TMEM220: variants seen among roughly 807,000 people sequenced by gnomAD.
The protein encoded by TMEM220 is transmembrane protein 220.
A neutral mutation model predicts 21.7 loss-of-function variants in TMEM220; 21 were observed. The ratio of observed to expected loss-of-function variants is 0.97; its 90% confidence interval spans 0.69 to 1.39. The LOEUF (loss-of-function observed/expected upper bound fraction) is 1.39. TMEM220 is among the 40% of genes most tolerant of loss of function. TMEM220 has a pLI of 0.00. For missense variants in TMEM220, 191 were observed against 201.9 expected (o/e 0.95, Z 0.33); for synonymous variants, 80 against 73.6 (o/e 1.09, Z -0.45).
At chr17:10,725,217 T>G in intron 3 of TMEM220, 83 bp from the exon 4 acceptor site, 1 of 1,560,658 alleles carries the variant, frequency 6.4e-7, no homozygotes, top group Admixed American at 1.8e-5. Context: ...TGTTTTGCCA[T>G]AGTCTGCTTT....
chr17:10,721,620 GAAAAAAAGA>G (rs1356918320), intron 5 of TMEM220, among the ~76,000 whole-genome samples: 8 of 48,302 alleles, frequency 1.7e-4, no homozygotes, highest in South Asian at 5.1e-4. Context: ...AAAAAAAAAA[GAAAAAAAGA>G]AAAAAAAGAA....
chr17:10,729,792 C>A lies in TMEM220; in HGVS notation c.60G>T (p.Ala20=). The change falls in exon 1 of 6, where the codon GCG becomes GCT. Residue 20 remains alanine (A), a synonymous_variant. Coordinates refer to ENST00000341871, the MANE Select transcript of TMEM220 (RefSeq NM_001004313.3). ...GCGGCCGCCTGACCTGCACCAAGGCCGCCAGCGCGAAGAAGGCGGCCATGA... is the reference window on the plus strand; with the variant it reads ...GCGGCCGCCTGACCTGCACCAAGGCAGCCAGCGCGAAGAAGGCGGCCATGA... ...NGLMAAFFAL[A]ALVQVNDPDA... 7.1e-7 allele frequency: 1 copy of A among 1,410,520 alleles called. No homozygotes were observed. Among genetic ancestry groups the A allele is most frequent in the Admixed American group, 2.4e-5 (1 of 41,674 alleles). 87.4% of individuals were successfully genotyped at this position (1,410,520 alleles called of 1,614,324 possible). A position where few individuals can be genotyped will look rare whatever the true frequency, so the allele number is the denominator to read the frequency against.
chr17:10,721,026 A>G (rs1206060582), intron 5 of TMEM220, among the ~76,000 whole-genome samples: 2 of 152,222 alleles, frequency 1.3e-5, no homozygotes, highest in African/African-American at 4.8e-5. Context: ...TTAAATGTAT[A>G]TGTGTACGTG....
chr17:10,727,626 G>T (rs1308858099), intron 2 of TMEM220, among the ~76,000 whole-genome samples: 1 of 152,154 alleles, frequency 6.6e-6, no homozygotes, highest in East Asian at 1.9e-4. Flanking sequence ...CCAAGGCAAA[G>T]GCAGTTTGAT....
At chr17:10,715,927 G>T (rs1269567567) in intron 5 of TMEM220, 1 of 352,708 alleles carries the variant, frequency 2.8e-6, no homozygotes, top group Non-Finnish European at 5.2e-6. Flanking sequence ...TAGAAGTTTT[G>T]TTTTGCTTTT....
downstream of TMEM220, among the ~76,000 whole-genome samples, chr17:10,712,231 AGTGT>A (rs2074858772): frequency 6.6e-6 from 1 of 152,188 alleles, no homozygotes; most frequent in Admixed American, 6.5e-5. Flanking sequence ...CAAAGCCAGC[AGTGT>A]AGCATCTTCA....
At position 10,729,819 on chromosome 17, in the gene TMEM220, T is replaced by G. The variant is rs953366646; in HGVS notation, c.33A>C (p.Gly11=). MAPALWRACN[G]LMAAFFALAA... Reference sequence around the variant, plus strand: ...CCAGCGCGAAGAAGGCGGCCATGAGTCCGTTGCAGGCCCGCCACAGCGCTG... The same window carrying G: ...CCAGCGCGAAGAAGGCGGCCATGAGGCCGTTGCAGGCCCGCCACAGCGCTG... The change falls in exon 1 of 6, where the codon GGA becomes GGC. Residue 11 remains glycine (G), a synonymous_variant. Coordinates refer to ENST00000341871, the MANE Select transcript of TMEM220 (RefSeq NM_001004313.3). 7.1e-7 allele frequency: 1 copy of G among 1,400,150 alleles called. No homozygotes were observed. Among genetic ancestry groups the G allele is most frequent in the Non-Finnish European group, 9.4e-7 (1 of 1,069,200 alleles). 86.7% of individuals were successfully genotyped at this position (1,400,150 alleles called of 1,614,324 possible).
At chr17:10,727,183 T>G (rs2075058259) in intron 2 of TMEM220, among the ~76,000 whole-genome samples, 1 of 129,368 alleles carries the variant, frequency 7.7e-6, no homozygotes, top group African/African-American at 2.6e-5. Context: ...TTTAATTAAT[T>G]TTTTGGAGAT....
Position 10,714,362 on chromosome 17 carries a change from C to A in TMEM220, c.*1091G>T, listed in dbSNP as rs2074883456. ...GTAAGTTTTCCAATAATCAAGTATC[C>A]ATTTTTAAATGAAAATGGAAATGAA... On this transcript the variant is annotated 3_prime_UTR_variant, in exon 6 of 6. Coordinates refer to ENST00000341871, the MANE Select transcript of TMEM220 (RefSeq NM_001004313.3). 1 of 150,920 alleles carries A rather than the reference C, an allele frequency of 6.6e-6. No individual in the cohort carries two copies. The highest frequency in any genetic ancestry group is 1.5e-5 in the Non-Finnish European group (1 of 67,772). The allele number at this position is 150,920 out of a possible 1,614,324, so 9.3% of individuals were successfully genotyped here.
intron 2 of TMEM220, 88 bp downstream of exon 2, chr17:10,728,943 A>G: frequency 7.2e-7 from 1 of 1,380,980 alleles, no homozygotes; most frequent in Non-Finnish European, 1.0e-6. Context: ...TTAAGCAGGG[A>G]GGAGGGGTAA....
intron 1 of TMEM220, 102 bp from the exon 2 acceptor site, chr17:10,729,162 C>T: frequency 7.5e-7 from 1 of 1,336,912 alleles, no homozygotes. Context: ...AAGTGCCAGA[C>T]ACTGCAATAG....
At chr17:10,728,999 C>G (rs768942132) in intron 2 of TMEM220, 32 bp downstream of exon 2, 50 of 1,613,192 alleles carry the variant, frequency 3.1e-5, no homozygotes, top group Non-Finnish European at 4.2e-5. Context: ...TTCTTCCAAA[C>G]GGAGGAAAGC....
chr17:10,729,868 C>CGCGGGGCGGTGAGTCCTGCCACGT lies in TMEM220; in HGVS notation c.-41_-18dup, dbSNP rs3842379. 472 of 1,311,546 alleles carry CGCGGGGCGGTGAGTCCTGCCACGT rather than the reference C, an allele frequency of 3.6e-4. 3 individuals are homozygous for CGCGGGGCGGTGAGTCCTGCCACGT. In the African/African-American group the frequency reaches 4.1e-3, roughly 11 times the overall value. 81.2% of individuals were successfully genotyped at this position (1,311,546 alleles called of 1,614,324 possible). A position where few individuals can be genotyped will look rare whatever the true frequency, so the allele number is the denominator to read the frequency against. Reference sequence around the variant, plus strand: ...TGGCGCCATGGCTCGGAGAACACGGCGCGGGGCGGTGAGTCCTGCCACGTG... The same window carrying CGCGGGGCGGTGAGTCCTGCCACGT: ...TGGCGCCATGGCTCGGAGAACACGGCGCGGGGCGGTGAGTCCTGCCACGTGCGGGGCGGTGAGTCCTGCCACGTG... On this transcript the variant is annotated 5_prime_UTR_variant, in exon 1 of 6. Coordinates refer to ENST00000341871, the MANE Select transcript of TMEM220 (RefSeq NM_001004313.3).
At chr17:10,723,439 C>G (rs2075016110) in intron 4 of TMEM220, 110 bp from the exon 5 acceptor site, 2 of 795,312 alleles carry the variant, frequency 2.5e-6, no homozygotes, top group South Asian at 1.4e-5. Flanking sequence ...GTGACTGACT[C>G]TCCCTCAAGA....
chr17:10,718,280 T>C (rs184896134), intron 5 of TMEM220, among the ~76,000 whole-genome samples: 521 of 152,316 alleles, frequency 3.4e-3, no homozygotes, highest in African/African-American at 0.012. Flanking sequence ...ATTTTTACAA[T>C]AGTTATTATA....
At position 10,715,913 on chromosome 17, in the gene TMEM220, T is replaced by C. The variant is rs145077682; in HGVS notation, c.348-325A>G. The C allele has an allele frequency of 2.3e-3, 817 of 352,508 alleles. 6 individuals carry two copies. Among genetic ancestry groups the C allele is most frequent in the African/African-American group, 0.016 (763 of 46,712 alleles). 21.8% of individuals were successfully genotyped at this position (352,508 alleles called of 1,614,324 possible). Reference sequence around the variant, plus strand: ...TCCCTCACCAAGGTTTTGAAGGTATTCTCTAGAAGTTTTGTTTTGCTTTTT... The same window carrying C: ...TCCCTCACCAAGGTTTTGAAGGTATCCTCTAGAAGTTTTGTTTTGCTTTTT... On this transcript the variant is annotated intron_variant, in intron 5 of 5. Coordinates refer to ENST00000341871, the MANE Select transcript of TMEM220 (RefSeq NM_001004313.3).
At chr17:10,727,727 A>C (rs1567588749) in intron 2 of TMEM220, among the ~76,000 whole-genome samples, 1 of 152,228 alleles carries the variant, frequency 6.6e-6, no homozygotes, top group Non-Finnish European at 1.5e-5. Context: ...ATTTCATGTT[A>C]TAATTCCAGA....
chr17:10,729,756 C>A, intron 1 of TMEM220, 24 bp downstream of exon 1: 1 of 1,344,504 alleles, frequency 7.4e-7, no homozygotes, highest in Non-Finnish European at 9.6e-7. Flanking sequence ...CGGGCGGGTC[C>A]CCCTCCCACC....
At position 10,715,527 on chromosome 17, in the gene TMEM220, TAAATGGGA is replaced by T; in HGVS notation, c.401_408del (p.Phe134TyrfsTer9). On this transcript the variant is annotated frameshift_variant, in exon 6 of 6. Transcript: ENST00000341871. LOFTEE classifies it high-confidence loss of function. ...TTAATATATATGTAGACCCATGAGA[TAAATGGGA>T]AAAGTGTGATTACAATGGCAATAGC... is the stretch of plus-strand genomic sequence containing the variant. 2 of 1,605,550 alleles carry T rather than the reference TAAATGGGA, an allele frequency of 1.2e-6. No homozygotes were observed. Among genetic ancestry groups the T allele is most frequent in the Non-Finnish European group, 1.7e-6 (2 of 1,177,448 alleles).
Sources: gnomAD v4.1 joint callset for allele counts (sites outside exome capture counted in the v4.1 genomes callset) on GRCh38, gnomAD v4.1.1 for gene constraint, MANE v1.5 for transcripts, NCBI Gene and HGNC (gene_info 2026-07-23, HGNC 2026-07-21) for gene names.